Variants in SNTG1 observed in about 807,000 individuals in gnomAD.
SNTG1 encodes the protein syntrophin gamma 1, also known as gamma-1-syntrophin.
Under a neutral mutation model 74.7 loss-of-function variants are expected in SNTG1, and 39 were observed. The observed-to-expected ratio is 0.52, with a 90% CI of 0.40 to 0.68. The LOEUF (loss-of-function observed/expected upper bound fraction) is 0.68, where lower values mean the gene tolerates loss of function less well. Among genes scored for constraint, SNTG1 ranks in the 30% least tolerant of loss-of-function variants. The pLI is 0.00. For synonymous variants in SNTG1, 254 were observed against 217.1 expected, an observed-to-expected ratio of 1.17 and a Z score of -1.49; for missense variants, 685 against 609.5, an observed-to-expected ratio of 1.12 and a Z score of -1.30.
At chr8:50,527,732 T>C (rs1412223355) in intron 9 of SNTG1, among the ~76,000 whole-genome samples, 1 of 152,038 alleles carries the variant, frequency 6.6e-6, no homozygotes, top group Non-Finnish European at 1.5e-5. Context: ...GCTGCATATA[T>C]TTCAGAAATC....
At chr8:50,778,530 A>G (rs1295460749) in intron 18 of SNTG1, among the ~76,000 whole-genome samples, 3 of 151,702 alleles carry the variant, frequency 2.0e-5, no homozygotes, top group Non-Finnish European at 4.4e-5. Context: ...CATGTCCTTC[A>G]CCCACTTTTT....
intron 8 of SNTG1, among the ~76,000 whole-genome samples, chr8:50,455,444 C>T: frequency 6.6e-6 from 1 of 152,112 alleles, no homozygotes; most frequent in East Asian, 1.9e-4. Context: ...TGATTTTGAA[C>T]TAAACTCTAA....
At chr8:50,366,920 C>T (rs1419746729) in intron 2 of SNTG1, among the ~76,000 whole-genome samples, 2 of 145,318 alleles carry the variant, frequency 1.4e-5, no homozygotes, top group African/African-American at 5.0e-5. Context: ...TAGTATAGGT[C>T]TATACTATAT....
At chr8:50,162,972 G>A (rs1484455325) in intron 1 of SNTG1, among the ~76,000 whole-genome samples, 7 of 152,312 alleles carry the variant, frequency 4.6e-5, no homozygotes, top group Middle Eastern at 3.4e-3. Flanking sequence ...TAATGGCTCA[G>A]GGCAAACAGA....
chr8:50,518,377 T>G (rs966174874), intron 9 of SNTG1, among the ~76,000 whole-genome samples: 3 of 152,104 alleles, frequency 2.0e-5, no homozygotes, highest in Non-Finnish European at 4.4e-5. Context: ...ATTGACACCC[T>G]AACATCACAA....
Position 50,121,137 on chromosome 8 carries a change from C to T in SNTG1, c.-102-51424C>T, listed in dbSNP as rs953653254. Among the ~76,000 whole-genome samples, 2 of 142,324 alleles carry T rather than the reference C, an allele frequency of 1.4e-5. 1 individual carries two copies. The highest frequency in any genetic ancestry group is 3.1e-5 in the Non-Finnish European group (2 of 63,868). 93.4% of individuals were successfully genotyped at this position (142,324 alleles called of 152,430 possible). ...CTTGCCATACACAAAAAACTAGTCTCTCAAGACCATTATTTTTTATACGTA... is the reference window on the plus strand; with the variant it reads ...CTTGCCATACACAAAAAACTAGTCTTTCAAGACCATTATTTTTTATACGTA... On this transcript the variant is annotated intron_variant, in intron 1 of 18. Transcript: ENST00000642720.
chr8:50,507,494 A>G (rs60603399), intron 9 of SNTG1, among the ~76,000 whole-genome samples: 7,265 of 152,036 alleles, frequency 0.048, 305 homozygotes, highest in African/African-American at 0.11. Flanking sequence ...TAATGATTCA[A>G]TTTCCTTACT....
intron 1 of SNTG1, among the ~76,000 whole-genome samples, chr8:50,144,819 T>C (rs1280434967): frequency 6.6e-6 from 1 of 152,074 alleles, no homozygotes; most frequent in Non-Finnish European, 1.5e-5. Context: ...AAGGGATCAA[T>C]AGTTGTAAAA....
At chr8:50,503,942 T>C (rs2093984979) in intron 9 of SNTG1, among the ~76,000 whole-genome samples, 1 of 152,162 alleles carries the variant, frequency 6.6e-6, no homozygotes, top group African/African-American at 2.4e-5. Flanking sequence ...AAACCAGTTA[T>C]TGAAATTAGT....
At chr8:50,541,573 C>A (rs2094347372) in intron 11 of SNTG1, among the ~76,000 whole-genome samples, 1 of 152,014 alleles carries the variant, frequency 6.6e-6, no homozygotes, top group Non-Finnish European at 1.5e-5. Context: ...TACATGTGAT[C>A]ATTTAATACA....
At chr8:50,559,003 T>C (rs2094472147) in intron 12 of SNTG1, among the ~76,000 whole-genome samples, 1 of 152,206 alleles carries the variant, frequency 6.6e-6, no homozygotes, top group Admixed American at 6.5e-5. Context: ...AGGAAGTACA[T>C]GTGTAGGTTT....
chr8:50,067,885 A>G (rs1223031904), intron 1 of SNTG1, among the ~76,000 whole-genome samples: 1 of 152,174 alleles, frequency 6.6e-6, no homozygotes, highest in Non-Finnish European at 1.5e-5. Context: ...GGTCTCCATC[A>G]ACCGTTGCTG....
chr8:50,183,019 A>G (rs1412762550), intron 2 of SNTG1, among the ~76,000 whole-genome samples: 1 of 152,054 alleles, frequency 6.6e-6, no homozygotes, highest in Non-Finnish European at 1.5e-5. Flanking sequence ...CCAACTTTAC[A>G]TTACATCCTC....
intron 12 of SNTG1, among the ~76,000 whole-genome samples, chr8:50,569,552 A>C (rs571940571): frequency 5.3e-5 from 8 of 152,262 alleles, no homozygotes; most frequent in Non-Finnish European, 1.2e-4. Context: ...AAAAAACAAA[A>C]AAAAAACCTT....
chr8:50,178,674 C>G (rs2083090134), intron 2 of SNTG1, among the ~76,000 whole-genome samples: 1 of 152,126 alleles, frequency 6.6e-6, no homozygotes, highest in Non-Finnish European at 1.5e-5. Flanking sequence ...CTATAACCAT[C>G]AGCTCTATCA....
chr8:50,436,118 G>T (rs1339050303), intron 4 of SNTG1, among the ~76,000 whole-genome samples: 1 of 152,136 alleles, frequency 6.6e-6, no homozygotes, highest in Non-Finnish European at 1.5e-5. Context: ...TGCTTAAAAT[G>T]CATTTGCTCT....
chr8:50,656,093 A>G (rs141533315), intron 13 of SNTG1, among the ~76,000 whole-genome samples: 230 of 152,324 alleles, frequency 1.5e-3, no homozygotes, highest in Non-Finnish European at 2.7e-3. Context: ...AACTCTGCCA[A>G]CCATAAAGCC....
intron 17 of SNTG1, among the ~76,000 whole-genome samples, chr8:50,746,162 T>A (rs867682814): frequency 3.3e-5 from 5 of 152,132 alleles, no homozygotes; most frequent in South Asian, 2.1e-4. Flanking sequence ...GAGTATATTC[T>A]ACTTAATTTT....
At chr8:50,136,413 A>T (rs1251914088) in intron 1 of SNTG1, among the ~76,000 whole-genome samples, 1 of 152,148 alleles carries the variant, frequency 6.6e-6, no homozygotes, top group Non-Finnish European at 1.5e-5. Context: ...CCACACCAGC[A>T]TCTGTTATGT....
Sources: allele counts gnomAD v4.1 joint callset (sites outside exome capture counted in the v4.1 genomes callset), GRCh38; gene constraint gnomAD v4.1.1; transcripts MANE v1.5; gene names NCBI Gene and HGNC (gene_info 2026-07-23, HGNC 2026-07-21).